Variants in GPC5 observed in about 807,000 individuals in gnomAD.
The protein encoded by GPC5 is glypican-5.
A neutral mutation model predicts 53.9 loss-of-function variants in GPC5; 47 were observed. The ratio of observed to expected loss-of-function variants is 0.87; its 90% CI spans 0.69 to 1.11. The LOEUF (loss-of-function observed/expected upper bound fraction) is 1.11, where lower values mean the gene tolerates loss of function less well. Among genes scored for constraint, GPC5 ranks in the 50% most tolerant of loss-of-function variants. GPC5 has a pLI of 0.00. For missense variants in GPC5, 748 were observed against 713.1 expected (o/e 1.05, Z -0.56); for synonymous variants, 286 against 263.3 (o/e 1.09, Z -0.84).
At chr13:91,490,137 G>A (rs376742055) in intron 2 of GPC5, among the ~76,000 whole-genome samples, 12 of 151,932 alleles carry the variant, frequency 7.9e-5, no homozygotes, top group African/African-American at 1.2e-4. Context: ...ATTTATTTTC[G>A]CAGAAGAATG....
At chr13:91,931,087 T>C (rs763249794) in intron 6 of GPC5, among the ~76,000 whole-genome samples, 4 of 152,070 alleles carry the variant, frequency 2.6e-5, no homozygotes, top group African/African-American at 9.7e-5. Flanking sequence ...CCTTTAATCA[T>C]GCCCCATCTT....
At chr13:92,415,534 G>A (rs1429239131) in intron 7 of GPC5, among the ~76,000 whole-genome samples, 1 of 152,160 alleles carries the variant, frequency 6.6e-6, no homozygotes, top group Non-Finnish European at 1.5e-5. Flanking sequence ...ACTGGCTGAG[G>A]ACTAGGGTTT....
intron 7 of GPC5, among the ~76,000 whole-genome samples, chr13:92,247,555 T>G (rs112708039): frequency 1.3e-5 from 2 of 152,124 alleles, no homozygotes; most frequent in African/African-American, 4.8e-5. Flanking sequence ...TTATTAGAAT[T>G]TGGTATAATA....
At chr13:92,580,122 T>C (rs1883326082) in intron 7 of GPC5, among the ~76,000 whole-genome samples, 2 of 152,176 alleles carry the variant, frequency 1.3e-5, no homozygotes, top group Admixed American at 1.3e-4. Context: ...AAGGACAGCA[T>C]GTTCAAGGGG....
At chr13:91,603,516 C>G (rs972092825) in intron 2 of GPC5, among the ~76,000 whole-genome samples, 4 of 152,300 alleles carry the variant, frequency 2.6e-5, no homozygotes, top group African/African-American at 9.6e-5. Flanking sequence ...TGCAGTGATG[C>G]TATGTCCACA....
intron 7 of GPC5, among the ~76,000 whole-genome samples, chr13:92,658,059 C>T (rs554700554): frequency 3.3e-5 from 5 of 152,062 alleles, no homozygotes; most frequent in African/African-American, 1.2e-4. Context: ...TACACTTACC[C>T]CAATTCTGTC....
intron 3 of GPC5, among the ~76,000 whole-genome samples, chr13:91,707,109 T>C (rs1287929161): frequency 6.6e-6 from 1 of 152,134 alleles, no homozygotes; most frequent in African/African-American, 2.4e-5. Context: ...TTAATGTTTA[T>C]ATTCAGGCAC....
intron 7 of GPC5, among the ~76,000 whole-genome samples, chr13:92,532,776 T>C (rs1881605959): frequency 1.3e-5 from 2 of 152,302 alleles, no homozygotes; most frequent in East Asian, 3.9e-4. Flanking sequence ...GAGTGGTTAT[T>C]TAACATTCTT....
At chr13:92,692,410 CA>C (rs1887426253) in intron 7 of GPC5, among the ~76,000 whole-genome samples, 1 of 151,500 alleles carries the variant, frequency 6.6e-6, no homozygotes. Context: ...ATTGCTGGGT[CA>C]AATGGTAATT....
At chr13:92,580,400 T>C (rs1883333464) in intron 7 of GPC5, among the ~76,000 whole-genome samples, 1 of 152,216 alleles carries the variant, frequency 6.6e-6, no homozygotes, top group Admixed American at 6.5e-5. Flanking sequence ...AAAAGTACTT[T>C]ATATTTTAAT....
intron 7 of GPC5, among the ~76,000 whole-genome samples, chr13:92,422,464 C>A (rs1002878274): frequency 6.7e-6 from 1 of 149,880 alleles, no homozygotes; most frequent in Non-Finnish European, 1.5e-5. Context: ...TGAGATCTTT[C>A]TGTAAGCACC....
intron 7 of GPC5, among the ~76,000 whole-genome samples, chr13:92,557,404 A>C (rs1261518691): frequency 6.6e-6 from 1 of 151,980 alleles, no homozygotes; most frequent in Non-Finnish European, 1.5e-5. Flanking sequence ...TAACAAGCCC[A>C]AAAGCACATT....
chr13:91,552,512 T>C (rs1304468813), intron 2 of GPC5, among the ~76,000 whole-genome samples: 1 of 152,020 alleles, frequency 6.6e-6, no homozygotes, highest in Non-Finnish European at 1.5e-5. Flanking sequence ...ATCCATATAT[T>C]TATTAACAGC....
intron 6 of GPC5, among the ~76,000 whole-genome samples, chr13:92,062,080 A>C (rs928842027): frequency 6.6e-6 from 1 of 151,896 alleles, no homozygotes; most frequent in African/African-American, 2.4e-5. Context: ...TTTTTAAAAG[A>C]TCAAGTAATG....
intron 2 of GPC5, among the ~76,000 whole-genome samples, chr13:91,551,923 A>G (rs2030663957): frequency 6.6e-6 from 1 of 152,110 alleles, no homozygotes; most frequent in Admixed American, 6.6e-5. Context: ...ATACTGGTTA[A>G]TATATAGTAA....
chr13:91,818,909 T>A (rs980132015), intron 5 of GPC5, among the ~76,000 whole-genome samples: 1 of 152,186 alleles, frequency 6.6e-6, no homozygotes, highest in African/African-American at 2.4e-5. Context: ...TGGACTTTTT[T>A]AATTTACATT....
intron 6 of GPC5, among the ~76,000 whole-genome samples, chr13:92,047,660 T>G (rs897025343): frequency 1.3e-5 from 2 of 151,554 alleles, no homozygotes; most frequent in African/African-American, 4.8e-5. Context: ...ACTAGTAAGT[T>G]TAGTTTCTAG....
chr13:92,679,011 G>A (rs1441424188), intron 7 of GPC5, among the ~76,000 whole-genome samples: 1 of 152,136 alleles, frequency 6.6e-6, no homozygotes, highest in Non-Finnish European at 1.5e-5. Flanking sequence ...AAGGTGGGGG[G>A]AAATGGATTA....
rs776605906 is a variant in GPC5, at chr13:92,246,853, A to C, written c.1561+101864A>C. On this transcript the variant is annotated intron_variant, in intron 7 of 7. Coordinates refer to ENST00000377067, the MANE Select transcript of GPC5 (RefSeq NM_004466.6). ...TTCAACACTAATTTTTAAATTAGTT[A>C]ATTATAAGAGATTGAGTACACTAAC... Among the ~76,000 whole-genome samples the C allele has an allele frequency of 7.9e-5, 12 of 152,284 alleles. No homozygotes were observed. The South Asian group carries it at 2.5e-3, about 32-fold the overall frequency.
Sources: gnomAD v4.1 joint callset for allele counts (sites outside exome capture counted in the v4.1 genomes callset) on GRCh38, gnomAD v4.1.1 for gene constraint, MANE v1.5 for transcripts, NCBI Gene and HGNC (gene_info 2026-07-23, HGNC 2026-07-21) for gene names.